Variants in GPSM1 observed in about 807,000 individuals in gnomAD.
GPSM1 encodes G protein-signaling modulator 1.
In GPSM1, 48 loss-of-function variants were observed where a neutral mutation model predicts 70.5. The observed-to-expected ratio is 0.68, with a 90% CI of 0.54 to 0.87. GPSM1 has a LOEUF of 0.87. Among genes scored for constraint, GPSM1 ranks in the 40% least tolerant of loss-of-function variants. The probability of loss-of-function intolerance (pLI) is 0.00; values close to 1 mark genes in which losing one functional copy is unlikely to be tolerated. For synonymous variants in GPSM1, 416 were observed against 430.1 expected (o/e 0.97, Z 0.41); for missense variants, 981 against 972.6 (o/e 1.01, Z -0.11).
At position 136,341,173 on chromosome 9, in the gene GPSM1, G is replaced by A. The variant is rs1832382457; in HGVS notation, c.1207+180G>A. The A allele has an allele frequency of 6.5e-7, 1 of 1,548,948 alleles. No homozygotes were observed. Among genetic ancestry groups the A allele is most frequent in the Non-Finnish European group, 8.7e-7 (1 of 1,146,252 alleles). On this transcript the variant is annotated intron_variant, in intron 9 of 13. Transcript: ENST00000440944. The surrounding 1 kb of genome is among the most constrained non-coding windows in gnomAD (Gnocchi z 6.7). ...AGCACAGGCCTGAGGTTCACCCTGA[G>A]CCCTTCCCACCCGCATCCTGAGTGG...
At chr9:136,357,489 C>T (rs1554773408) in intron 13 of GPSM1, among the ~76,000 whole-genome samples, 1 of 152,248 alleles carries the variant, frequency 6.6e-6, no homozygotes, top group African/African-American at 2.4e-5. Context: ...ACCCCTTGGC[C>T]CCCTGGCCTG....
chr9:136,348,789 G>A (rs369250894), intron 10 of GPSM1, 22 bp downstream of exon 10: 296 of 1,583,230 alleles, frequency 1.9e-4, no homozygotes, highest in Middle Eastern at 1.5e-3. Flanking sequence ...ACACGGGACC[G>A]ATGTCAGCAC....
intron 1 of GPSM1, among the ~76,000 whole-genome samples, chr9:136,334,199 C>T (rs1016896864): frequency 2.0e-5 from 3 of 152,210 alleles, no homozygotes; most frequent in Admixed American, 6.5e-5. Flanking sequence ...GCCCCAGTGG[C>T]GTTCCTGACC....
At chr9:136,354,585 C>T (rs1382581232) in intron 11 of GPSM1, among the ~76,000 whole-genome samples, 3 of 152,218 alleles carry the variant, frequency 2.0e-5, no homozygotes, top group Admixed American at 6.5e-5. Context: ...CAGCGCCGGT[C>T]GGGAGGTGGA....
chr9:136,353,069 C>T (rs1832714897), intron 11 of GPSM1: 1 of 984,914 alleles, frequency 1.0e-6, no homozygotes, highest in Non-Finnish European at 1.2e-6. Flanking sequence ...CGGTGGTGGC[C>T]CTGGGCACCT....
rs1832797783 is a variant in GPSM1 at position 136,355,746 on chromosome 9, G to A, written c.1512G>A (p.Lys504=). ...AGTGCTTCTTTGACCTGTTGACCAA[G>A]TTCCAGAGCAGCCGCATGGACGACC... ...DEECFFDLLT[K]FQSSRMDDQR... The change falls in exon 12 of 14, where the codon AAG becomes AAA. Residue 504 remains lysine, a synonymous_variant. Transcript: ENST00000440944. The A allele has an allele frequency of 3.1e-6, 5 of 1,612,360 alleles. No individual in the cohort carries two copies. In the South Asian group the frequency reaches 4.4e-5, roughly 14 times the overall value.
chr9:136,356,331 GC>G lies in GPSM1; in HGVS notation c.1613-5del. 5.8e-6 allele frequency: 9 copies of G among 1,551,420 alleles called. No individual in the cohort carries two copies. Among genetic ancestry groups the G allele is most frequent in the African/African-American group, 1.4e-5 (1 of 73,362 alleles). On this transcript the variant is annotated splice_polypyrimidine_tract_variant and intron_variant, in intron 12 of 13. Transcript: ENST00000440944. ...ACTGGGTCCCAGGTCTCACCCTCTG[GC>G]CCCCCGCAGCCCAGCCCTCGATGAC...
In GPSM1 at chr9:136,337,905, C is replaced by T. The variant is rs782457582; in HGVS notation, c.762C>T (p.Asn254=). The T allele has an allele frequency of 3.1e-6, 5 of 1,612,590 alleles. 1 individual carries two copies. The South Asian group carries it at 5.5e-5, about 18-fold the overall frequency. The change falls in exon 6 of 14, where the codon AAC becomes AAT. Residue 254 remains asparagine (N), a synonymous_variant. Coordinates refer to ENST00000440944, the MANE Select transcript of GPSM1 (RefSeq NM_001145638.3). ...DKAAERRAYS[N]LGNAHVFLGR... is the part of the protein sequence containing the mutation. ...CAGCCGAGAGGAGGGCCTACAGCAACCTGGGGAACGCCCACGTCTTCCTGG... is the reference window on the plus strand; with the variant it reads ...CAGCCGAGAGGAGGGCCTACAGCAATCTGGGGAACGCCCACGTCTTCCTGG...
In GPSM1 at chr9:136,334,439, C is replaced by G; in HGVS notation, c.69-8C>G. 1 of 1,608,432 alleles carries G rather than the reference C, an allele frequency of 6.2e-7. No homozygotes were observed. The highest frequency in any genetic ancestry group is 8.5e-7 in the Non-Finnish European group (1 of 1,177,554). ...GGCTGGGCCATGACGCCAAGTTCCT[C>G]TGCACAGGATGGAGGCGTCCTGCCT... On this transcript the variant is annotated splice_polypyrimidine_tract_variant and splice_region_variant and intron_variant, in intron 1 of 13. Coordinates refer to ENST00000440944, the MANE Select transcript of GPSM1 (RefSeq NM_001145638.3).
chr9:136,354,762 G>C, intron 11 of GPSM1: 4 of 934,326 alleles, frequency 4.3e-6, no homozygotes, highest in Non-Finnish European at 3.8e-6. Context: ...GCCCAGGGCG[G>C]GGTTCATTCC....
chr9:136,341,467 T>G lies in GPSM1; in HGVS notation c.1207+474T>G, dbSNP rs1426982207. 1.2e-5 allele frequency: 16 copies of G among 1,325,802 alleles called. No individual in the cohort carries two copies. Among genetic ancestry groups the G allele is most frequent in the Non-Finnish European group, 1.4e-5 (15 of 1,039,152 alleles). 82.1% of individuals were successfully genotyped at this position (1,325,802 alleles called of 1,614,324 possible). On this transcript the variant is annotated intron_variant, in intron 9 of 13. Coordinates refer to ENST00000440944, the MANE Select transcript of GPSM1 (RefSeq NM_001145638.3). This position sits in a 1 kb window ranked among gnomAD's most constrained non-coding sequence, Gnocchi z 6.7. Reference sequence around the variant, plus strand: ...GCCATGCGAGGCCACCGTGGTGACCTCATTCATGGACCGCTGGTCGTCCCA... The same window carrying G: ...GCCATGCGAGGCCACCGTGGTGACCGCATTCATGGACCGCTGGTCGTCCCA...
At chr9:136,345,776 C>T (rs1289317876) in intron 9 of GPSM1, among the ~76,000 whole-genome samples, 1 of 152,180 alleles carries the variant, frequency 6.6e-6, no homozygotes, top group Non-Finnish European at 1.5e-5. Context: ...GCTCCTCTGT[C>T]ATTTCCATGG....
rs1832451128 is a variant in GPSM1 at position 136,343,779 on chromosome 9, G to A, written c.1207+2786G>A. On this transcript the variant is annotated intron_variant, in intron 9 of 13. Transcript: ENST00000440944. This position sits in a 1 kb window ranked among gnomAD's most constrained non-coding sequence, Gnocchi z 6.0. ...GAGGGCCCGTAAGCCTGTTGCGTTC[G>A]GGCCCTGGGTGGACGAGGCAGGTGT... 6.6e-6 allele frequency among the ~76,000 whole-genome samples: 1 copy of A among 152,178 alleles called. No individual in the cohort carries two copies. The highest frequency in any genetic ancestry group is 1.5e-5 in the Non-Finnish European group (1 of 68,016).
intron 11 of GPSM1, among the ~76,000 whole-genome samples, chr9:136,353,946 C>A (rs1457750958): frequency 6.6e-6 from 1 of 152,218 alleles, no homozygotes; most frequent in Non-Finnish European, 1.5e-5. Context: ...TGGATGTGGC[C>A]CTCCCCACAG....
At position 136,341,142 on chromosome 9, in the gene GPSM1, A is replaced by G; in HGVS notation, c.1207+149A>G. 6.5e-7 allele frequency: 1 copy of G among 1,550,112 alleles called. No individual in the cohort carries two copies. Among genetic ancestry groups the G allele is most frequent in the Non-Finnish European group, 8.7e-7 (1 of 1,146,858 alleles). On this transcript the variant is annotated intron_variant, in intron 9 of 13. Transcript: ENST00000440944. The surrounding 1 kb of genome is among the most constrained non-coding windows in gnomAD (Gnocchi z 6.7). ...CTACAAGCCAGTTCTTCTTGGCCTC[A>G]GGGACAGCACAGGCCTGAGGTTCAC...
chr9:136,354,463 TCCA>T (rs138987215), intron 11 of GPSM1, among the ~76,000 whole-genome samples: 1,982 of 152,324 alleles, frequency 0.013, 41 homozygotes, highest in African/African-American at 0.046. Flanking sequence ...AGGTGCCATC[TCCA>T]CCAACATTGC....
rs372868023 is a variant in GPSM1, at chr9:136,336,698, G to A, written c.427-223G>A. 5.3e-5 allele frequency among the ~76,000 whole-genome samples: 8 copies of A among 152,298 alleles called. No homozygotes were observed. The East Asian group carries it at 1.4e-3, about 26-fold the overall frequency. ...GCTGAGGACCTGGCACCCTGGCCAC[G>A]CCAATCCGCAGAGGAGGGAGGGATG... On this transcript the variant is annotated intron_variant, in intron 3 of 13. Coordinates refer to ENST00000440944, the MANE Select transcript of GPSM1 (RefSeq NM_001145638.3).
At position 136,356,488 on chromosome 9, in the gene GPSM1, C is replaced by T. The variant is rs79279802; in HGVS notation, c.1759C>T (p.Arg587Ter). ...CACCCACAGCAATGCAGGGCACCTC[C>T]GAGGCCACGGCGAGCCCCAGGAGCC... ...RITHSNAGHL[R>*]GHGEPQEPGD... The change falls in exon 13 of 14, where the codon CGA (arginine) becomes TGA (stop). Residue 587 changes from arginine to a stop codon, truncating the protein, a stop_gained. Coordinates refer to ENST00000440944, the MANE Select transcript of GPSM1 (RefSeq NM_001145638.3). LOFTEE classifies it high-confidence loss of function. 1.9e-6 allele frequency: 3 copies of T among 1,611,934 alleles called. No individual in the cohort carries two copies. Among genetic ancestry groups the T allele is most frequent in the East Asian group, 2.2e-5 (1 of 44,836 alleles).
chr9:136,358,326 A>C lies in GPSM1; in HGVS notation c.*106A>C. 1 of 1,060,452 alleles carries C rather than the reference A, an allele frequency of 9.4e-7. No homozygotes were observed. 65.7% of individuals were successfully genotyped at this position (1,060,452 alleles called of 1,614,324 possible). A position where few individuals can be genotyped will look rare whatever the true frequency, so the allele number is the denominator to read the frequency against. On this transcript the variant is annotated 3_prime_UTR_variant, in exon 14 of 14. Transcript: ENST00000440944. ...CCATTGCCGAGGACAGGCACTGGGC[A>C]TGCAGCCCCACGGCCTCCCCGACCC...
Sources: allele counts gnomAD v4.1 joint callset (sites outside exome capture counted in the v4.1 genomes callset), GRCh38; gene constraint gnomAD v4.1.1; non-coding constraint Gnocchi (gnomAD v3.1); transcripts MANE v1.5; gene names NCBI Gene and HGNC (gene_info 2026-07-23, HGNC 2026-07-21).